The following COL6A5 variants were observed in gnomAD, a reference collection of about 807,000 sequenced individuals.
COL6A5 encodes collagen alpha-5(VI) chain.
In COL6A5, 48 loss-of-function variants were observed where a neutral mutation model predicts 65.6. The ratio of observed to expected loss-of-function variants is 0.73; its 90% CI spans 0.58 to 0.93. COL6A5 has a LOEUF of 0.93. Ranked by LOEUF, COL6A5 falls within the 40% of genes least tolerant of loss-of-function variation. The pLI, the probability that COL6A5 is intolerant of heterozygous loss-of-function variation, is 0.00. For synonymous variants in COL6A5, 291 were observed against 322.8 expected (o/e 0.90, Z 1.05); for missense variants, 914 against 928.3 (o/e 0.98, Z 0.20).
At chr3:130,364,018 G>A (rs1218511944) in intron 1 of COL6A5, among the ~76,000 whole-genome samples, 1 of 152,126 alleles carries the variant, frequency 6.6e-6, no homozygotes, top group Non-Finnish European at 1.5e-5. Context: ...TTAGGATGGA[G>A]TGACAACTTA....
At chr3:130,413,671 AT>A in intron 21 of COL6A5, 91 bp downstream of exon 21, 1 of 1,292,632 alleles carries the variant, frequency 7.7e-7, no homozygotes, top group Non-Finnish European at 1.1e-6. Context: ...ATCAATGAGC[AT>A]TTTACAAGGG....
intron 7 of COL6A5, 133 bp downstream of exon 40, chr3:130,472,059 G>A (rs781708815): frequency 1.3e-5 from 12 of 904,076 alleles, no homozygotes; most frequent in Admixed American, 2.9e-5. Flanking sequence ...GGGGCTTATC[G>A]TCTAAGGATC....
chr3:130,456,325 G>A (rs1204686865), intron 5 of COL6A5, among the ~76,000 whole-genome samples: 2 of 151,766 alleles, frequency 1.3e-5, no homozygotes, highest in African/African-American at 2.4e-5. Context: ...ATTAAAAAGT[G>A]TGAGGGGAGG....
intron 4 of COL6A5, among the ~76,000 whole-genome samples, chr3:130,380,577 A>G (rs934284845): frequency 6.6e-6 from 1 of 152,124 alleles, no homozygotes; most frequent in East Asian, 1.9e-4. Context: ...GATGCTGGAA[A>G]TGTTCTTTAT....
At chr3:130,427,123 AAGAC>A (rs1393178930), upstream of COL6A5, among the ~76,000 whole-genome samples, 1 of 152,190 alleles carries the variant, frequency 6.6e-6, no homozygotes, top group East Asian at 1.9e-4. Flanking sequence ...AGTTTTTATG[AAGAC>A]AATCAAACTT....
Position 130,451,331 on chromosome 3 carries a change from G to A in COL6A5, c.1333-4124G>A, listed in dbSNP as rs554481184. ...AAAGCATGTATAGATAAGGGAAACT[G>A]AGGGTAAGAGGGTTGGACCGGGATG... On this transcript the variant is annotated intron_variant, in intron 4 of 7. Transcript: ENST00000512836. Among the ~76,000 whole-genome samples the A allele has an allele frequency of 7.9e-5, 12 of 152,248 alleles. No homozygotes were observed. The South Asian group carries it at 2.5e-3, about 32-fold the overall frequency.
Position 130,416,739 on chromosome 3 carries a change from C to T in COL6A5, c.4825-18C>T. ...ATTACTACGGTGCCAACATTTTAGT[C>T]TCTAATTTTTTTTTCAGGGTTCTCC... is the stretch of plus-strand genomic sequence containing the variant. On this transcript the variant is annotated intron_variant and NMD_transcript_variant, in intron 23 of 41. Coordinates refer to the COL6A5 transcript ENST00000312481. 1 of 1,475,492 alleles carries T rather than the reference C, an allele frequency of 6.8e-7. No individual in the cohort carries two copies. The highest frequency in any genetic ancestry group is 9.2e-7 in the Non-Finnish European group (1 of 1,087,494). The allele number at this position is 1,475,492 out of a possible 1,614,324, so 91.4% of individuals were successfully genotyped here. A position where few individuals can be genotyped will look rare whatever the true frequency, so the allele number is the denominator to read the frequency against.
At chr3:130,390,457 T>C (rs11927979) in intron 6 of COL6A5, among the ~76,000 whole-genome samples, 1,951 of 152,234 alleles carry the variant, frequency 0.013, 39 homozygotes, top group African/African-American at 0.044. Context: ...TTGGAATACA[T>C]GTGCATAAGT....
At chr3:130,387,801 A>G (rs1559872374) in intron 5 of COL6A5, among the ~76,000 whole-genome samples, 1 of 152,072 alleles carries the variant, frequency 6.6e-6, no homozygotes, top group Non-Finnish European at 1.5e-5. Context: ...ATATTTGCAT[A>G]TTATATATAT....
intron 10 of COL6A5, 21 bp from the exon 11 acceptor site, chr3:130,401,010 A>G: frequency 1.3e-6 from 2 of 1,515,622 alleles, no homozygotes; most frequent in Admixed American, 2.3e-5. Context: ...CTTTATTTAT[A>G]TTGTGGTTTT....
exon 6 of COL6A5, chr3:130,469,316 T>G (rs1345895085): frequency 1.9e-6 from 3 of 1,612,872 alleles, no homozygotes; most frequent in Non-Finnish European, 2.5e-6. Flanking sequence ...GTGTCAAGGC[T>G]ACTCCATATT....
chr3:130,396,272 G>A (rs779442344), intron 8 of COL6A5, among the ~76,000 whole-genome samples: 1 of 152,178 alleles, frequency 6.6e-6, no homozygotes, highest in African/African-American at 2.4e-5. Context: ...GAGTTCTTAC[G>A]TTTCTAGAGT....
intron 3 of COL6A5, among the ~76,000 whole-genome samples, chr3:130,377,427 A>G (rs1232556355): frequency 6.6e-6 from 1 of 152,244 alleles, no homozygotes; most frequent in Non-Finnish European, 1.5e-5. Context: ...TAAATATTCA[A>G]TAAATGCTTG....
intron 5 of COL6A5, among the ~76,000 whole-genome samples, chr3:130,466,824 C>T (rs1709829854): frequency 6.6e-6 from 1 of 151,898 alleles, no homozygotes; most frequent in Non-Finnish European, 1.5e-5. Flanking sequence ...ATATTATGAA[C>T]AATCTTTTGC....
chr3:130,380,613 C>T (rs956520581), intron 4 of COL6A5, among the ~76,000 whole-genome samples: 1 of 152,124 alleles, frequency 6.6e-6, no homozygotes, highest in African/African-American at 2.4e-5. Flanking sequence ...GGTCAGCCAC[C>T]AGCCATGTGT....
At chr3:130,416,239 CGGTG>C (rs1937333032) in intron 23 of COL6A5, among the ~76,000 whole-genome samples, 1 of 152,076 alleles carries the variant, frequency 6.6e-6, no homozygotes, top group South Asian at 2.1e-4. Flanking sequence ...TCTGCTCAGA[CGGTG>C]AGAGTTCACA....
At chr3:130,410,610 CT>C in intron 20 of COL6A5, 86 bp downstream of exon 20, 1 of 1,155,514 alleles carries the variant, frequency 8.7e-7, no homozygotes. Flanking sequence ...GCACAGTTGG[CT>C]GATTCAGGGC....
At chr3:130,355,398 G>A (rs978034014) in intron 1 of COL6A5, among the ~76,000 whole-genome samples, 12 of 152,086 alleles carry the variant, frequency 7.9e-5, no homozygotes, top group Non-Finnish European at 1.0e-4. Context: ...GAAGAGAAAG[G>A]AAAAGTAAGC....
Position 130,391,766 on chromosome 3 carries a change from CT to C in COL6A5, c.2992+16del. 3 of 1,526,454 alleles carry C rather than the reference CT, an allele frequency of 2.0e-6. No individual in the cohort carries two copies. Among genetic ancestry groups the C allele is most frequent in the Non-Finnish European group, 2.6e-6 (3 of 1,134,876 alleles). 94.6% of individuals were successfully genotyped at this position (1,526,454 alleles called of 1,614,324 possible). ...TGAAGCACCAGAGGGTAAGTTGTTA[CT>C]TTTAAAGTTTCTATGGGGGTAGCAA... On this transcript the variant is annotated intron_variant and NMD_transcript_variant, in intron 7 of 41. Coordinates refer to the COL6A5 transcript ENST00000312481.
Sources: gnomAD v4.1 joint callset for allele counts (sites outside exome capture counted in the v4.1 genomes callset) on GRCh38, gnomAD v4.1.1 for gene constraint, MANE v1.5 for transcripts, NCBI Gene and HGNC (gene_info 2026-07-23, HGNC 2026-07-21) for gene names.